SERTAD4: variants seen among roughly 807,000 people sequenced by gnomAD.
SERTAD4 encodes SERTA domain-containing protein 4.
In SERTAD4, 18 loss-of-function variants were observed where a neutral mutation model predicts 32.9. The ratio of observed to expected loss-of-function variants is 0.55; its 90% CI spans 0.38 to 0.81. SERTAD4 has a LOEUF of 0.81. Among genes scored for constraint, SERTAD4 ranks in the 30% least tolerant of loss-of-function variants. The probability of loss-of-function intolerance (pLI) is 0.00; values close to 1 mark genes in which losing one functional copy is unlikely to be tolerated. For synonymous variants in SERTAD4, 150 were observed against 156.4 expected (o/e 0.96, Z 0.30); for missense variants, 383 against 426.0 (o/e 0.90, Z 0.89).
intron 3 of SERTAD4, 97 bp from the exon 4 acceptor site, chr1:210,241,461 A>T: frequency 8.1e-7 from 1 of 1,240,202 alleles, no homozygotes; most frequent in South Asian, 1.6e-5. Context: ...CCAAGAAAGA[A>T]GTATGCTATG....
chr1:210,243,674 C>G lies in SERTAD4; in HGVS notation c.*1337C>G, dbSNP rs1386087782. 1 of 152,162 alleles carries G rather than the reference C, an allele frequency of 6.6e-6. No individual in the cohort carries two copies. Among genetic ancestry groups the G allele is most frequent in the African/African-American group, 2.4e-5 (1 of 41,432 alleles). The allele number at this position is 152,162 out of a possible 1,614,324, so 9.4% of individuals were successfully genotyped here. On this transcript the variant is annotated 3_prime_UTR_variant, in exon 4 of 4. Transcript: ENST00000367012. ...TTTGAAAAGTGTTCAGAGTGGCCCT[C>G]CTACCATCCTTCCTTCCACTCCAGC...
At position 210,239,523 on chromosome 1, in the gene SERTAD4, T is replaced by C; in HGVS notation, c.206T>C (p.Ile69Thr). ...GSHYRGISNP[I>T]TTSKITYFKR... is the part of the protein sequence containing the mutation. Reference sequence around the variant, plus strand: ...CATTACAGGGGAATTTCAAATCCTATAACAACATCCAAGATCACATACTTT... The same window carrying C: ...CATTACAGGGGAATTTCAAATCCTACAACAACATCCAAGATCACATACTTT... The change falls in exon 3 of 4, where the codon ATA (isoleucine) becomes ACA (threonine). Residue 69 changes from isoleucine to threonine, a missense_variant. Ile to Thr is a moderately conservative substitution (Grantham distance 89). This residue lies in a region of SERTAD4 where 107 missense variants were observed against 158.8 expected (regional missense o/e 0.67). Coordinates refer to ENST00000367012, the MANE Select transcript of SERTAD4 (RefSeq NM_019605.5). The C allele has an allele frequency of 6.2e-7, 1 of 1,607,602 alleles. No homozygotes were observed. The highest frequency in any genetic ancestry group is 1.7e-5 in the Admixed American group (1 of 59,162).
intron 1 of SERTAD4, among the ~76,000 whole-genome samples, chr1:210,236,566 G>A (rs1240745815): frequency 6.6e-6 from 1 of 152,116 alleles, no homozygotes; most frequent in African/African-American, 2.4e-5. Context: ...CTTTTTCCTT[G>A]GAAGTGGACC....
chr1:210,237,698 A>C (rs1015489339), intron 1 of SERTAD4, among the ~76,000 whole-genome samples: 2 of 152,210 alleles, frequency 1.3e-5, no homozygotes, highest in South Asian at 2.1e-4. Flanking sequence ...GAGAACAATA[A>C]GAAATGGGGT....
rs1482577069 is a variant in SERTAD4 at position 210,241,873 on chromosome 1, C to T, written c.607C>T (p.Pro203Ser). 1 of 1,613,990 alleles carries T rather than the reference C, an allele frequency of 6.2e-7. No individual in the cohort carries two copies. Among genetic ancestry groups the T allele is most frequent in the African/African-American group, 1.3e-5 (1 of 74,890 alleles). Reference protein sequence around the residue: ...QECGGHYLNLPLSVNANVGSA... With the variant: ...QECGGHYLNLSLSVNANVGSA... Reference sequence around the variant, plus strand: ...ATGTGGTGGCCACTACCTAAATTTACCCCTTTCTGTCAATGCTAATGTTGG... The same window carrying T: ...ATGTGGTGGCCACTACCTAAATTTATCCCTTTCTGTCAATGCTAATGTTGG... The change falls in exon 4 of 4, where the codon CCC becomes TCC. Residue 203 changes from proline to serine, a missense_variant. Pro to Ser is a moderately conservative substitution (Grantham distance 74, BLOSUM62 -1). This residue lies in a region of SERTAD4 where 180 missense variants were observed against 190.6 expected (regional missense o/e 0.94). Transcript: ENST00000367012.
chr1:210,233,595 T>C (rs624270), intron 1 of SERTAD4: 221,527 of 451,296 alleles, frequency 0.49, 57,538 homozygotes, highest in East Asian at 0.74. Flanking sequence ...GCAGCAGAGC[T>C]GCGCTGCGGG....
At chr1:210,235,158 CCTTTT>C (rs1443877210) in intron 1 of SERTAD4, among the ~76,000 whole-genome samples, 2 of 152,108 alleles carry the variant, frequency 1.3e-5, no homozygotes, top group Admixed American at 1.3e-4. Context: ...TAATGTATAT[CCTTTT>C]CTTTATTTAA....
chr1:210,235,415 C>G (rs781479986), intron 1 of SERTAD4, among the ~76,000 whole-genome samples: 34 of 152,196 alleles, frequency 2.2e-4, no homozygotes, highest in Non-Finnish European at 4.3e-4. Context: ...ATTGCAAAAT[C>G]TCCTCCCCGC....
intron 1 of SERTAD4, among the ~76,000 whole-genome samples, chr1:210,236,127 G>A (rs894061837): frequency 1.3e-5 from 2 of 152,230 alleles, no homozygotes; most frequent in African/African-American, 4.8e-5. Context: ...AGAAATGATA[G>A]ACAGAAGGAC....
chr1:210,241,788 A>G lies in SERTAD4; in HGVS notation c.522A>G (p.Lys174=), dbSNP rs2147849494. The G allele has an allele frequency of 6.2e-7, 1 of 1,613,792 alleles. No individual in the cohort carries two copies. ...TGGCTCAAGACTGCCCTTACCGAAA[A>G]CGACCACGGATGGCCAAAGAGGAAT... is the stretch of plus-strand genomic sequence containing the variant. The part of the protein sequence containing the change: ...WFMAQDCPYR[K]RPRMAKEECE... The change falls in exon 4 of 4, where the codon AAA becomes AAG. Residue 174 remains lysine (K), a synonymous_variant. Transcript: ENST00000367012.
chr1:210,234,902 G>C (rs2083925918), intron 1 of SERTAD4, among the ~76,000 whole-genome samples: 1 of 152,198 alleles, frequency 6.6e-6, no homozygotes, highest in South Asian at 2.1e-4. Flanking sequence ...GTATAGAAAT[G>C]CCTGGTAACT....
chr1:210,239,426 A>C, intron 2 of SERTAD4, 67 bp from the exon 3 acceptor site: 1 of 885,940 alleles, frequency 1.1e-6, no homozygotes, highest in Non-Finnish European at 1.9e-6. Context: ...AAGGAAACGA[A>C]AGTATTTTGT....
chr1:210,242,850 G>A lies in SERTAD4; in HGVS notation c.*513G>A, dbSNP rs1260055661. 2.0e-6 allele frequency: 2 copies of A among 986,328 alleles called. No individual in the cohort carries two copies. Among genetic ancestry groups the A allele is most frequent in the East Asian group, 2.3e-4 (2 of 8,834 alleles). 61.1% of individuals were successfully genotyped at this position (986,328 alleles called of 1,614,324 possible). On this transcript the variant is annotated 3_prime_UTR_variant, in exon 4 of 4. Coordinates refer to ENST00000367012, the MANE Select transcript of SERTAD4 (RefSeq NM_019605.5). The surrounding 1 kb of genome is among the most constrained non-coding windows in gnomAD (Gnocchi z 4.0). ...TGCTGTTAAGTATTTGTACCTAACA[G>A]TCTTGTGTGACAGATGAAAATAGGA...
intron 1 of SERTAD4, among the ~76,000 whole-genome samples, chr1:210,236,404 C>T (rs1350884524): frequency 6.6e-6 from 1 of 152,138 alleles, no homozygotes; most frequent in African/African-American, 2.4e-5. Flanking sequence ...AAAGATCTTG[C>T]TTCATTATTC....
intron 1 of SERTAD4, among the ~76,000 whole-genome samples, chr1:210,236,288 G>T (rs1483281960): frequency 1.3e-5 from 2 of 152,172 alleles, no homozygotes; most frequent in African/African-American, 4.8e-5. Context: ...CCGTACTGAT[G>T]TCTCTTTGGA....
In SERTAD4 at chr1:210,244,215, T is replaced by C. The variant is rs1363194655; in HGVS notation, c.*1878T>C. 2.6e-5 allele frequency: 4 copies of C among 151,938 alleles called. No individual in the cohort carries two copies. The highest frequency in any genetic ancestry group is 9.7e-5 in the African/African-American group (4 of 41,350). 9.4% of individuals were successfully genotyped at this position (151,938 alleles called of 1,614,324 possible). On this transcript the variant is annotated 3_prime_UTR_variant, in exon 4 of 4. Transcript: ENST00000367012. ...GTAGTGGATAGTGGCCACACAGGAG[T>C]TTTCTAAATTAAAGAGTATTTTAAA...
rs759972796 is a variant in SERTAD4, at chr1:210,239,585, C to A, written c.268C>A (p.Pro90Thr). ...KYVEEEDFHP[P>T]LSSCSHKTIS... ...TGTGGAAGAAGAGGATTTTCACCCA[C>A]CACTCAGCAGCTGTAGCCATAAAGT... Residue 90 changes from proline (P) to threonine (T), a missense_variant, in exon 3 of 4, where the codon CCA becomes ACA. Coordinates refer to ENST00000367012, the MANE Select transcript of SERTAD4 (RefSeq NM_019605.5). 1.0e-5 allele frequency: 16 copies of A among 1,598,748 alleles called. No individual in the cohort carries two copies. The highest frequency in any genetic ancestry group is 1.7e-4 in the Middle Eastern group (1 of 6,058).
chr1:210,234,494 AG>A, intron 1 of SERTAD4, among the ~76,000 whole-genome samples: 1 of 152,262 alleles, frequency 6.6e-6, no homozygotes, highest in Non-Finnish European at 1.5e-5. Context: ...TTTGTTTAGA[AG>A]GGTTGAAGAA....
At position 210,245,816 on chromosome 1, in the gene SERTAD4, A is replaced by C. The variant is rs539632514; in HGVS notation, c.*3479A>C. On this transcript the variant is annotated 3_prime_UTR_variant, in exon 4 of 4. Transcript: ENST00000367012. ...GTGTATCAGGAGCAGAGCAGAGGAC[A>C]ACTTGTAGAAGACATGACCATTAAG... 15 of 985,306 alleles carry C rather than the reference A, an allele frequency of 1.5e-5. No homozygotes were observed. Among genetic ancestry groups the C allele is most frequent in the Non-Finnish European group, 1.7e-5 (14 of 829,930 alleles). 61.0% of individuals were successfully genotyped at this position (985,306 alleles called of 1,614,324 possible).
Sources: gnomAD v4.1 joint callset for allele counts (sites outside exome capture counted in the v4.1 genomes callset) on GRCh38, gnomAD v4.1.1 for gene constraint, gnomAD v4.1.1 regional missense constraint, Gnocchi (gnomAD v3.1) non-coding constraint, MANE v1.5 for transcripts, NCBI Gene and HGNC (gene_info 2026-07-23, HGNC 2026-07-21) for gene names.